Variants in SLC25A26 observed in about 807,000 individuals in gnomAD.
SLC25A26 encodes the protein solute carrier family 25 member 26.
In SLC25A26, 36 loss-of-function variants were observed where a neutral mutation model predicts 37.8. The ratio of observed to expected loss-of-function variants is 0.95; its 90% CI spans 0.73 to 1.26. The LOEUF (loss-of-function observed/expected upper bound fraction) is 1.26. Among genes scored for constraint, SLC25A26 ranks in the 50% most tolerant of loss-of-function variants. The probability of loss-of-function intolerance (pLI) is 0.00; values close to 1 mark genes in which losing one functional copy is unlikely to be tolerated. For missense variants in SLC25A26, 390 were observed against 331.1 expected, an observed-to-expected ratio of 1.18 and a Z score of -1.38; for synonymous variants, 129 against 122.5, an observed-to-expected ratio of 1.05 and a Z score of -0.35.
chr3:66,206,169 T>G (rs2071173869), intron 1 of SLC25A26, among the ~76,000 whole-genome samples: 1 of 152,162 alleles, frequency 6.6e-6, no homozygotes. Context: ...CAAGAGACAC[T>G]AATTCCTATG....
intron 5 of SLC25A26, among the ~76,000 whole-genome samples, chr3:66,295,487 C>T (rs1166302599): frequency 2.7e-5 from 4 of 147,988 alleles, no homozygotes; most frequent in African/African-American, 7.5e-5. Flanking sequence ...CTGCAAGCTC[C>T]GCCTCCCGGG....
intron 5 of SLC25A26, among the ~76,000 whole-genome samples, chr3:66,307,900 G>A (rs1443423568): frequency 6.6e-6 from 1 of 152,154 alleles, no homozygotes; most frequent in African/African-American, 2.4e-5. Flanking sequence ...TAGGGTTGCT[G>A]TAGCCTTGTA....
At chr3:66,165,900 C>T (rs1032434825) in intron 1 of SLC25A26, among the ~76,000 whole-genome samples, 3 of 152,104 alleles carry the variant, frequency 2.0e-5, no homozygotes, top group Admixed American at 1.3e-4. Context: ...AGGACAGCAA[C>T]CTAATTCCCT....
chr3:66,347,578 G>T (rs1328858194), intron 6 of SLC25A26, among the ~76,000 whole-genome samples: 1 of 152,220 alleles, frequency 6.6e-6, no homozygotes, highest in Non-Finnish European at 1.5e-5. Flanking sequence ...ATTTCTCAAA[G>T]ACGTAGAACC....
chr3:66,308,930 G>A (rs1055656455), intron 5 of SLC25A26, among the ~76,000 whole-genome samples: 5 of 152,106 alleles, frequency 3.3e-5, no homozygotes, highest in South Asian at 2.1e-4. Context: ...TGCTGGATTC[G>A]GTTTGCCAGA....
At chr3:66,347,930 ATACATG>A (rs1382136851) in intron 6 of SLC25A26, among the ~76,000 whole-genome samples, 1 of 152,212 alleles carries the variant, frequency 6.6e-6, no homozygotes, top group Admixed American at 6.5e-5. Context: ...AGCAAGGAGA[ATACATG>A]GACACAGAAG....
intron 1 of SLC25A26, among the ~76,000 whole-genome samples, chr3:66,157,007 A>G (rs1421707071): frequency 6.6e-6 from 1 of 152,108 alleles, no homozygotes; most frequent in East Asian, 1.9e-4. Flanking sequence ...CTGAGACAGG[A>G]AGGTCTCTTG....
chr3:66,208,864 G>T (rs1331268441), intron 1 of SLC25A26, among the ~76,000 whole-genome samples: 1 of 12,628 alleles, frequency 7.9e-5, no homozygotes, highest in Non-Finnish European at 6.1e-4. Flanking sequence ...CTTTATATGG[G>T]TGTGTGTATA....
chr3:66,250,843 T>G (rs1294481036), intron 3 of SLC25A26, among the ~76,000 whole-genome samples: 3 of 152,138 alleles, frequency 2.0e-5, no homozygotes, highest in Non-Finnish European at 4.4e-5. Flanking sequence ...AAAAAAATTG[T>G]GCATCTATTT....
intron 5 of SLC25A26, among the ~76,000 whole-genome samples, chr3:66,309,552 G>A (rs967942377): frequency 2.0e-5 from 3 of 151,728 alleles, no homozygotes; most frequent in African/African-American, 4.8e-5. Flanking sequence ...GCTAGCTTTC[G>A]AATTTGTTTG....
At chr3:66,182,412 C>T (rs2106761949) in intron 1 of SLC25A26, among the ~76,000 whole-genome samples, 1 of 152,110 alleles carries the variant, frequency 6.6e-6, no homozygotes, top group Non-Finnish European at 1.5e-5. Flanking sequence ...ATGGCAATTC[C>T]CAATGAAACG....
At chr3:66,208,446 T>A (rs1255214910) in intron 1 of SLC25A26, among the ~76,000 whole-genome samples, 1 of 151,954 alleles carries the variant, frequency 6.6e-6, no homozygotes, top group Non-Finnish European at 1.5e-5. Flanking sequence ...GATTGCCACA[T>A]GGATTTCACA....
rs190425019 is a variant in SLC25A26 at position 66,319,283 on chromosome 3, T to C, written c.454-27081T>C. On this transcript the variant is annotated intron_variant, in intron 5 of 9. Transcript: ENST00000354883. ...CTGTCTTTTTAACGTACCCAAAGTATTGAAAGTCGAGGGAGTGCCAGAGAC... is the reference window on the plus strand; with the variant it reads ...CTGTCTTTTTAACGTACCCAAAGTACTGAAAGTCGAGGGAGTGCCAGAGAC... Among the ~76,000 whole-genome samples the C allele has an allele frequency of 3.8e-4, 58 of 152,248 alleles. No homozygotes were observed. The Middle Eastern group carries it at 0.01, about 27-fold the overall frequency.
At chr3:66,339,485 T>G (rs925440726) in intron 5 of SLC25A26, among the ~76,000 whole-genome samples, 4 of 152,004 alleles carry the variant, frequency 2.6e-5, no homozygotes, top group African/African-American at 7.2e-5. Flanking sequence ...TGCATATCCC[T>G]TGTTCACCAA....
intron 1 of SLC25A26, among the ~76,000 whole-genome samples, chr3:66,186,125 T>C (rs1268193801): frequency 1.3e-5 from 2 of 151,956 alleles, no homozygotes; most frequent in Admixed American, 6.6e-5. Flanking sequence ...CTATTCTTCA[T>C]TCTGGCCACC....
At chr3:66,282,173 G>A (rs1420431342) in intron 5 of SLC25A26, among the ~76,000 whole-genome samples, 29 of 151,862 alleles carry the variant, frequency 1.9e-4, no homozygotes, top group African/African-American at 6.8e-4. Flanking sequence ...CACCGCGCCC[G>A]GCTAATTTTT....
intron 5 of SLC25A26, among the ~76,000 whole-genome samples, chr3:66,265,347 C>G (rs968599105): frequency 6.6e-6 from 1 of 152,108 alleles, no homozygotes; most frequent in African/African-American, 2.4e-5. Context: ...ATGTTATAAT[C>G]TTTGCTTCAC....
At chr3:66,168,892 A>T (rs1402686510) in intron 1 of SLC25A26, among the ~76,000 whole-genome samples, 2 of 152,192 alleles carry the variant, frequency 1.3e-5, no homozygotes, top group Non-Finnish European at 2.9e-5. Context: ...AAGGCCAAGG[A>T]GGGAGGATGG....
rs552999294 is a variant in SLC25A26 at position 66,303,621 on chromosome 3, A to T, written c.453+40242A>T. Among the ~76,000 whole-genome samples the T allele has an allele frequency of 7.2e-5, 11 of 152,346 alleles. No individual in the cohort carries two copies. The South Asian group carries it at 8.3e-4, about 11-fold the overall frequency. On this transcript the variant is annotated intron_variant, in intron 5 of 9. Transcript: ENST00000354883. ...ACTTCAAGTGTCATGTAACATCAGG[A>T]TCACTTAGGGGAATGTCTAGAGGTG...
Sources: gnomAD v4.1 joint callset for allele counts (sites outside exome capture counted in the v4.1 genomes callset) on GRCh38, gnomAD v4.1.1 for gene constraint, MANE v1.5 for transcripts, NCBI Gene and HGNC (gene_info 2026-07-23, HGNC 2026-07-21) for gene names.